The following SOHLH2 variants were observed in gnomAD, a reference collection of about 807,000 sequenced individuals.
SOHLH2 encodes spermatogenesis and oogenesis specific basic helix-loop-helix 2.
In SOHLH2, 22 loss-of-function variants were observed where a neutral mutation model predicts 50.4. That is an observed-to-expected ratio of 0.44 (90% confidence interval 0.31 to 0.62). The LOEUF (loss-of-function observed/expected upper bound fraction) is 0.62, where lower values mean the gene tolerates loss of function less well. SOHLH2 is among the 20% of genes least tolerant of loss of function. The pLI, the probability that SOHLH2 is intolerant of heterozygous loss-of-function variation, is 0.08. For missense variants in SOHLH2, 412 were observed against 504.4 expected, an observed-to-expected ratio of 0.82 and a Z score of 1.76; for synonymous variants, 185 against 187.3, an observed-to-expected ratio of 0.99 and a Z score of 0.10.
At chr13:36,207,706 G>A (rs1285427724) in intron 1 of SOHLH2, among the ~76,000 whole-genome samples, 1 of 152,032 alleles carries the variant, frequency 6.6e-6, no homozygotes, top group Non-Finnish European at 1.5e-5. Context: ...CTTAGTCCTC[G>A]TGTCTCCTAG....
In SOHLH2 at chr13:36,173,747, G is replaced by A. The variant is rs756986765; in HGVS notation, c.945C>T (p.Cys315=). Residue 315 remains cysteine (C), a synonymous_variant, in exon 9 of 11, where the codon TGC becomes TGT. Coordinates refer to ENST00000379881, the MANE Select transcript of SOHLH2 (RefSeq NM_017826.3). ...CATCAGGAGTGGAGCACCCATTCCAGCACGTATTAGTCAGGAATTGGAGCC... is the reference window on the plus strand; with the variant it reads ...CATCAGGAGTGGAGCACCCATTCCAACACGTATTAGTCAGGAATTGGAGCC... ...ERGLQFLTNT[C]WNGCSTPDAE... 2.4e-5 allele frequency: 38 copies of A among 1,613,930 alleles called. 1 individual carries two copies. The highest frequency in any genetic ancestry group is 2.6e-5 in the Non-Finnish European group (31 of 1,180,022).
intron 5 of SOHLH2, among the ~76,000 whole-genome samples, chr13:36,191,173 C>T (rs984659850): frequency 2.0e-5 from 3 of 152,108 alleles, no homozygotes; most frequent in African/African-American, 7.2e-5. Flanking sequence ...CAACTGCCTA[C>T]CCAATCCAGG....
intron 2 of SOHLH2, among the ~76,000 whole-genome samples, chr13:36,195,069 C>G (rs1288190140): frequency 6.6e-6 from 1 of 152,166 alleles, no homozygotes; most frequent in Non-Finnish European, 1.5e-5. Context: ...AAGGTTCCTG[C>G]TCTCACACAG....
At position 36,202,071 on chromosome 13, in the gene SOHLH2, A is replaced by G. The variant is rs781591227; in HGVS notation, c.71T>C (p.Val24Ala). 26 of 1,614,220 alleles carry G rather than the reference A, an allele frequency of 1.6e-5. No individual in the cohort carries two copies. Among genetic ancestry groups the G allele is most frequent in the Non-Finnish European group, 2.1e-5 (25 of 1,180,046 alleles). Residue 24 changes from valine (V) to alanine (A), a missense_variant, in exon 2 of 11, where the codon GTT (valine) becomes GCT (alanine). Coordinates refer to ENST00000379881, the MANE Select transcript of SOHLH2 (RefSeq NM_017826.3). Reference sequence around the variant, plus strand: ...CAGGTAGCCCACAGTGACATCTCCAACTAATAAGATGTCTATTTTTGCCTG... The same window carrying G: ...CAGGTAGCCCACAGTGACATCTCCAGCTAATAAGATGTCTATTTTTGCCTG... The part of the protein sequence containing the change: ...SGQAKIDILL[V>A]GDVTVGYLAD...
chr13:36,213,965 TTG>T (rs1869275498), intron 1 of SOHLH2, among the ~76,000 whole-genome samples: 1 of 152,016 alleles, frequency 6.6e-6, no homozygotes, highest in South Asian at 2.1e-4. Flanking sequence ...GCCTACTAAA[TTG>T]TGTTTCTAGG....
intron 2 of SOHLH2, among the ~76,000 whole-genome samples, chr13:36,194,602 T>A (rs887315680): frequency 1.3e-5 from 2 of 152,190 alleles, no homozygotes; most frequent in African/African-American, 4.8e-5. Context: ...TTTCTTGAAA[T>A]TTTTCAAATA....
At chr13:36,194,066 A>C (rs1194444419) in intron 2 of SOHLH2, among the ~76,000 whole-genome samples, 199 bp from the exon 3 acceptor site, 1 of 151,890 alleles carries the variant, frequency 6.6e-6, no homozygotes, top group African/African-American at 2.4e-5. Context: ...TTTTTCTTAA[A>C]AATGAAAAAA....
chr13:36,174,788 A>T lies in SOHLH2; in HGVS notation c.723T>A (p.Val241=). 1.9e-6 allele frequency: 3 copies of T among 1,612,684 alleles called. No homozygotes were observed. Among genetic ancestry groups the T allele is most frequent in the Non-Finnish European group, 2.5e-6 (3 of 1,179,640 alleles). ...VKGRKNDAAS[V]LEATVDYVKY... is the part of the protein sequence containing the mutation. ...TCACATAATCAACTGTTGCCTCAAG[A>T]ACTGAAGCCGCATCATTCTTTCTCC... is the stretch of plus-strand genomic sequence containing the variant. Residue 241 remains valine (V), a synonymous_variant, in exon 7 of 11, where the codon GTT becomes GTA. Coordinates refer to ENST00000379881, the MANE Select transcript of SOHLH2 (RefSeq NM_017826.3).
chr13:36,189,801 A>G lies in SOHLH2; in HGVS notation c.641+145T>C. 4 of 735,688 alleles carry G rather than the reference A, an allele frequency of 5.4e-6. No homozygotes were observed. The South Asian group carries it at 7.3e-5, about 13-fold the overall frequency. The allele number at this position is 735,688 out of a possible 1,614,324, so 45.6% of individuals were successfully genotyped here. A position where few individuals can be genotyped will look rare whatever the true frequency, so the allele number is the denominator to read the frequency against. ...CAGAAACATTTATTGAATGACTACAAGGCTGAATGAGTGAGTGGCATCTAT... is the reference window on the plus strand; with the variant it reads ...CAGAAACATTTATTGAATGACTACAGGGCTGAATGAGTGAGTGGCATCTAT... On this transcript the variant is annotated intron_variant, in intron 6 of 10. Coordinates refer to ENST00000379881, the MANE Select transcript of SOHLH2 (RefSeq NM_017826.3).
Position 36,174,855 on chromosome 13 carries a change from T to C in SOHLH2, c.656A>G (p.Tyr219Cys). 1 of 1,577,176 alleles carries C rather than the reference T, an allele frequency of 6.3e-7. No homozygotes were observed. Among genetic ancestry groups the C allele is most frequent in the Non-Finnish European group, 8.6e-7 (1 of 1,168,582 alleles). The change falls in exon 7 of 11, where the codon TAT becomes TGT. Residue 219 changes from tyrosine to cysteine, a missense_variant. Transcript: ENST00000379881. Reference sequence around the variant, plus strand: ...GAGAGTACGCAGCTGCTCACAGCAATATTTGATTCTTTCCCTGGACACAGA... The same window carrying C: ...GAGAGTACGCAGCTGCTCACAGCAACATTTGATTCTTTCCCTGGACACAGA... ...KEKLRRERIK[Y>C]CCEQLRTLLP...
In SOHLH2 at chr13:36,194,070, G is replaced by GA. The variant is rs1029887240; in HGVS notation, c.264-204dup. Among the ~76,000 whole-genome samples the GA allele has an allele frequency of 1.7e-3, 239 of 141,220 alleles. 2 individuals carry two copies. Among genetic ancestry groups the GA allele is most frequent in the Non-Finnish European group, 2.3e-3 (150 of 64,508 alleles). The allele number at this position is 141,220 out of a possible 152,430, so 92.6% of individuals were successfully genotyped here. ...AGATGAATCACTTTTTCTTAAAAAT[G>GA]AAAAAAAAAAGCCTAAACTTTATCC... On this transcript the variant is annotated intron_variant, in intron 2 of 10. Transcript: ENST00000379881.
At position 36,174,797 on chromosome 13, in the gene SOHLH2, C is replaced by G; in HGVS notation, c.714G>C (p.Ala238=). Residue 238 remains alanine (A), a synonymous_variant, in exon 7 of 11, where the codon GCG becomes GCC. Transcript: ENST00000379881. ...CAACTGTTGCCTCAAGAACTGAAGCCGCATCATTCTTTCTCCCTTTTACAT... is the reference window on the plus strand; with the variant it reads ...CAACTGTTGCCTCAAGAACTGAAGCGGCATCATTCTTTCTCCCTTTTACAT... ...LPYVKGRKND[A]ASVLEATVDY... is the part of the protein sequence containing the mutation. 1.2e-6 allele frequency: 2 copies of G among 1,611,888 alleles called. No individual in the cohort carries two copies. The highest frequency in any genetic ancestry group is 1.7e-6 in the Non-Finnish European group (2 of 1,179,476).
At chr13:36,182,118 A>T (rs540634208) in intron 6 of SOHLH2, 16 of 985,402 alleles carry the variant, frequency 1.6e-5, no homozygotes, top group East Asian at 1.1e-4. Context: ...GCAAGAAAAA[A>T]GTGTCCTTGT....
chr13:36,213,280 A>G (rs1465604178), intron 1 of SOHLH2, among the ~76,000 whole-genome samples: 3 of 152,190 alleles, frequency 2.0e-5, no homozygotes, highest in African/African-American at 7.2e-5. Context: ...AGCTTTGCCT[A>G]ATCCTGCACC....
chr13:36,188,469 C>A (rs1887487630), intron 6 of SOHLH2, among the ~76,000 whole-genome samples: 1 of 152,180 alleles, frequency 6.6e-6, no homozygotes, highest in Non-Finnish European at 1.5e-5. Context: ...ACCTTCATTT[C>A]ATCTGTGTTC....
intron 9 of SOHLH2, among the ~76,000 whole-genome samples, chr13:36,173,272 C>A (rs571614609): frequency 1.7e-4 from 25 of 150,972 alleles, no homozygotes; most frequent in Non-Finnish European, 2.5e-4. Context: ...TGAGTGCTAT[C>A]AAGACAAATA....
At chr13:36,213,651 A>G (rs1327732865) in intron 1 of SOHLH2, among the ~76,000 whole-genome samples, 1 of 152,062 alleles carries the variant, frequency 6.6e-6, no homozygotes, top group Non-Finnish European at 1.5e-5. Flanking sequence ...GCTTTGCTAA[A>G]GGGGCTGAAA....
At chr13:36,214,304 C>T (rs1264466476) in intron 1 of SOHLH2, among the ~76,000 whole-genome samples, 175 bp downstream of exon 1, 15 of 151,976 alleles carry the variant, frequency 9.9e-5, no homozygotes, top group Admixed American at 9.8e-4. Context: ...CAGCTCGGGG[C>T]GCCGGGGGAG....
At chr13:36,178,300 A>G (rs1456797040) in intron 6 of SOHLH2, among the ~76,000 whole-genome samples, 1 of 146,658 alleles carries the variant, frequency 6.8e-6, no homozygotes, top group Non-Finnish European at 1.5e-5. Context: ...ATAATTTTTT[A>G]TATGGTGTGA....
Sources: gnomAD v4.1 joint callset for allele counts (sites outside exome capture counted in the v4.1 genomes callset) on GRCh38, gnomAD v4.1.1 for gene constraint, MANE v1.5 for transcripts, NCBI Gene and HGNC (gene_info 2026-07-23, HGNC 2026-07-21) for gene names.